Variants in IQSEC1 observed in about 807,000 individuals in gnomAD.
IQSEC1 encodes the protein IQ motif and Sec7 domain ArfGEF 1.
IQSEC1 carries 31 observed loss-of-function variants against 91.0 expected under a neutral mutation model. The observed-to-expected ratio is 0.34, with a 90% CI of 0.26 to 0.46. The LOEUF (loss-of-function observed/expected upper bound fraction) is 0.46. Ranked by LOEUF, IQSEC1 falls within the 20% of genes least tolerant of loss-of-function variation. IQSEC1 has a pLI of 1.00. For missense variants in IQSEC1, 1,388 were observed against 1,575.6 expected (o/e 0.88, Z 2.02); for synonymous variants, 699 against 662.6 (o/e 1.05, Z -0.84).
At chr3:13,235,078 G>A (rs1297795184) in intron 1 of IQSEC1, among the ~76,000 whole-genome samples, 1 of 152,174 alleles carries the variant, frequency 6.6e-6, no homozygotes, top group African/African-American at 2.4e-5. Context: ...GTGTGTCTGT[G>A]CATTTTATTT....
At chr3:12,985,053 T>C (rs1701659304) in intron 1 of IQSEC1, among the ~76,000 whole-genome samples, 1 of 152,010 alleles carries the variant, frequency 6.6e-6, no homozygotes, top group Non-Finnish European at 1.5e-5. Flanking sequence ...CTCGATCTCC[T>C]GACCTCGTGA....
chr3:13,077,835 C>A (rs532157218), upstream of IQSEC1, among the ~76,000 whole-genome samples: 1 of 152,348 alleles, frequency 6.6e-6, no homozygotes, highest in South Asian at 2.1e-4. Context: ...GAAGATCAGA[C>A]CCTGGCCCTA....
chr3:13,127,354 C>T (rs1706532256), intron 2 of IQSEC1, among the ~76,000 whole-genome samples: 1 of 151,992 alleles, frequency 6.6e-6, no homozygotes, highest in Non-Finnish European at 1.5e-5. Context: ...GCAGAGGTTG[C>T]AGTGAGCCGA....
chr3:13,032,786 G>A (rs374997291), intron 1 of IQSEC1, among the ~76,000 whole-genome samples: 5 of 152,210 alleles, frequency 3.3e-5, no homozygotes, highest in Middle Eastern at 3.4e-3. Flanking sequence ...GGGTTTCACC[G>A]TGTTAGCCAG....
At chr3:12,955,001 C>G (rs138572263) in intron 1 of IQSEC1, among the ~76,000 whole-genome samples, 1 of 152,214 alleles carries the variant, frequency 6.6e-6, no homozygotes, top group Admixed American at 6.5e-5. Context: ...GTGGGGGCAC[C>G]GAAGCCTGGA....
At chr3:13,260,147 G>T (rs1695357246) in intron 1 of IQSEC1, among the ~76,000 whole-genome samples, 1 of 152,192 alleles carries the variant, frequency 6.6e-6, no homozygotes, top group Non-Finnish European at 1.5e-5. Flanking sequence ...GAGGGAGACA[G>T]AAAAGAGAGG....
At chr3:13,257,075 A>C (rs1243704326) in intron 1 of IQSEC1, among the ~76,000 whole-genome samples, 2 of 152,174 alleles carry the variant, frequency 1.3e-5, no homozygotes, top group Non-Finnish European at 2.9e-5. Context: ...CATGAGGATT[A>C]AGGGAGGCAG....
Position 12,900,207 on chromosome 3 carries a change from A to C in IQSEC1, c.*776T>G, listed in dbSNP as rs1030844561. 1.0e-6 allele frequency: 1 copy of C among 980,566 alleles called. No individual in the cohort carries two copies. Among genetic ancestry groups the C allele is most frequent in the Non-Finnish European group, 1.2e-6 (1 of 825,702 alleles). The allele number at this position is 980,566 out of a possible 1,614,324, so 60.7% of individuals were successfully genotyped here. The stretch of plus-strand genomic sequence containing the variant: ...AATACTGGACTTTTTAAACAGTTAG[A>C]TGCTATGTTACTTGGCACAGTTAGT... On this transcript the variant is annotated 3_prime_UTR_variant, in exon 14 of 14. Coordinates refer to ENST00000613206, the MANE Select transcript of IQSEC1 (RefSeq NM_001134382.3).
At chr3:13,052,931 C>G (rs1281159966) in intron 1 of IQSEC1, 1 of 925,488 alleles carries the variant, frequency 1.1e-6, no homozygotes, top group Non-Finnish European at 1.8e-6. Context: ...GACCTTGAGA[C>G]AGCATCAATA....
At position 12,899,564 on chromosome 3, in the gene IQSEC1, CAGCTCACTG is replaced by C; in HGVS notation, c.*1410_*1418del. On this transcript the variant is annotated 3_prime_UTR_variant, in exon 14 of 14. Coordinates refer to ENST00000613206, the MANE Select transcript of IQSEC1 (RefSeq NM_001134382.3). The stretch of plus-strand genomic sequence containing the variant: ...AGCTGAGAGTCATGTGATGCCCTGG[CAGCTCACTG>C]GACCATGGGAAGGCAGCGGGGGCTC... The C allele has an allele frequency of 6.7e-7, 1 of 1,493,666 alleles. No homozygotes were observed. Among genetic ancestry groups the C allele is most frequent in the Non-Finnish European group, 9.0e-7 (1 of 1,112,016 alleles). 92.5% of individuals were successfully genotyped at this position (1,493,666 alleles called of 1,614,324 possible). A position where few individuals can be genotyped will look rare whatever the true frequency, so the allele number is the denominator to read the frequency against.
upstream of IQSEC1, among the ~76,000 whole-genome samples, chr3:13,073,486 TAGTGCGG>T (rs1705503644): frequency 2.0e-5 from 3 of 151,998 alleles, no homozygotes; most frequent in South Asian, 6.2e-4. Context: ...AGGAGCAACG[TAGTGCGG>T]CCGCGCCGGA....
upstream of IQSEC1, among the ~76,000 whole-genome samples, chr3:13,076,481 C>G (rs2125122597): frequency 6.6e-6 from 1 of 152,340 alleles, no homozygotes; most frequent in East Asian, 1.9e-4. Context: ...CTGCGGCCAT[C>G]TGTCCCCAAG....
Position 12,899,369 on chromosome 3 carries a change from G to A in IQSEC1, c.*1614C>T, listed in dbSNP as rs755568610. The stretch of plus-strand genomic sequence containing the variant: ...CCTCCGCCTGGGCAGGCGCCGGGGG[G>A]CAGTCCTCGGGTCCCATGGCTTAGG... On this transcript the variant is annotated 3_prime_UTR_variant, in exon 14 of 14. Coordinates refer to ENST00000613206, the MANE Select transcript of IQSEC1 (RefSeq NM_001134382.3). 2.7e-5 allele frequency: 43 copies of A among 1,612,082 alleles called. No individual in the cohort carries two copies. Among genetic ancestry groups the A allele is most frequent in the Admixed American group, 3.3e-5 (2 of 59,918 alleles).
At chr3:12,974,068 AG>A (rs1297883767) in intron 1 of IQSEC1, among the ~76,000 whole-genome samples, 1 of 152,236 alleles carries the variant, frequency 6.6e-6, no homozygotes. Flanking sequence ...TGCATGGGAA[AG>A]ACCCTGAGGG....
chr3:13,235,659 G>GC (rs1398999205), intron 1 of IQSEC1, among the ~76,000 whole-genome samples: 1 of 152,202 alleles, frequency 6.6e-6, no homozygotes, highest in Non-Finnish European at 1.5e-5. Context: ...ACCCCAGGTG[G>GC]CCCGGGCGGA....
chr3:13,257,001 A>G (rs978196550), intron 1 of IQSEC1, among the ~76,000 whole-genome samples: 2 of 152,072 alleles, frequency 1.3e-5, no homozygotes, highest in Non-Finnish European at 2.9e-5. Flanking sequence ...AAGCTCCTTA[A>G]CCTCTCTGTG....
chr3:12,998,959 G>A (rs1034601681), intron 1 of IQSEC1, among the ~76,000 whole-genome samples: 1 of 151,862 alleles, frequency 6.6e-6, no homozygotes, highest in African/African-American at 2.4e-5. Flanking sequence ...AGACGTCTTC[G>A]TGCCCTGGGG....
At chr3:13,096,664 G>A (rs942124778) in intron 2 of IQSEC1, among the ~76,000 whole-genome samples, 7 of 152,148 alleles carry the variant, frequency 4.6e-5, no homozygotes, top group African/African-American at 1.4e-4. Context: ...GCCTCCTGGT[G>A]CTTCCGAAGA....
At chr3:13,106,831 TTTATGACCTTAA>T (rs1161996211) in intron 2 of IQSEC1, among the ~76,000 whole-genome samples, 1 of 152,118 alleles carries the variant, frequency 6.6e-6, no homozygotes, top group East Asian at 1.9e-4. Flanking sequence ...CTCTTTGGAG[TTTATGACCTTAA>T]AATCGTTAAC....
Sources: gnomAD v4.1 joint callset for allele counts (sites outside exome capture counted in the v4.1 genomes callset) on GRCh38, gnomAD v4.1.1 for gene constraint, MANE v1.5 for transcripts, NCBI Gene and HGNC (gene_info 2026-07-23, HGNC 2026-07-21) for gene names.